Variants in TNIK observed in about 807,000 individuals in gnomAD.
TNIK encodes the protein TRAF2 and NCK interacting kinase, also known as TRAF2 and NCK-interacting protein kinase.
In TNIK, 49 loss-of-function variants were observed where a neutral mutation model predicts 191.3. The observed-to-expected ratio is 0.26, with a 90% CI of 0.20 to 0.32. The LOEUF (loss-of-function observed/expected upper bound fraction) is 0.32. Ranked by LOEUF, TNIK falls within the 10% of genes least tolerant of loss-of-function variation. TNIK has a pLI of 1.00. For missense variants in TNIK, 1,155 were observed against 1,702.3 expected, an observed-to-expected ratio of 0.68 and a Z score of 5.66; for synonymous variants, 594 against 600.9, an observed-to-expected ratio of 0.99 and a Z score of 0.17.
chr3:171,381,846 G>A (rs1718067176), intron 1 of TNIK, among the ~76,000 whole-genome samples: 1 of 152,146 alleles, frequency 6.6e-6, no homozygotes, highest in South Asian at 2.1e-4. Flanking sequence ...AGATGTAATG[G>A]CTAGAACACT....
chr3:171,323,648 G>A (rs530773032), intron 2 of TNIK, among the ~76,000 whole-genome samples: 39 of 152,302 alleles, frequency 2.6e-4, no homozygotes, highest in African/African-American at 9.1e-4. Context: ...AACACAGTCT[G>A]AAGGGTGGAT....
intron 1 of TNIK, among the ~76,000 whole-genome samples, chr3:171,382,438 C>T (rs1718170104): frequency 6.6e-6 from 1 of 152,268 alleles, no homozygotes; most frequent in Admixed American, 6.5e-5. Context: ...CCAGGCTGGT[C>T]TCAAACTCCT....
In TNIK at chr3:171,175,290, G is replaced by A. The variant is rs1211378611; in HGVS notation, c.735C>T (p.Ile245=). 2.2e-5 allele frequency: 36 copies of A among 1,612,682 alleles called. No individual in the cohort carries two copies. The highest frequency in any genetic ancestry group is 2.6e-5 in the Non-Finnish European group (31 of 1,179,512). ...DMHPMRALFL[I]PRNPAPRLKS... Reference sequence around the variant, plus strand: ...TCAGCCGAGGCGCTGGGTTCCGGGGGATGAGGAAGAGAGCTCTCATGGGGT... The same window carrying A: ...TCAGCCGAGGCGCTGGGTTCCGGGGAATGAGGAAGAGAGCTCTCATGGGGT... Residue 245 remains isoleucine (I), a synonymous_variant, in exon 9 of 33, where the codon ATC becomes ATT. Coordinates refer to ENST00000436636, the MANE Select transcript of TNIK (RefSeq NM_015028.4).
At chr3:171,361,164 T>C (rs1714916092) in intron 2 of TNIK, among the ~76,000 whole-genome samples, 1 of 152,202 alleles carries the variant, frequency 6.6e-6, no homozygotes, top group Non-Finnish European at 1.5e-5. Context: ...TGCAAGCATC[T>C]GGGAAGGTCT....
intron 2 of TNIK, among the ~76,000 whole-genome samples, chr3:171,265,709 T>C (rs958030502): frequency 1.3e-5 from 2 of 152,222 alleles, no homozygotes; most frequent in African/African-American, 2.4e-5. Flanking sequence ...CTACCAGGGA[T>C]GTGATAAGCC....
chr3:171,189,229 T>C (rs568138508), intron 6 of TNIK, among the ~76,000 whole-genome samples: 1 of 152,362 alleles, frequency 6.6e-6, no homozygotes, highest in African/African-American at 2.4e-5. Flanking sequence ...TCAAGGTTCA[T>C]CCACGTTGCA....
intron 12 of TNIK, among the ~76,000 whole-genome samples, chr3:171,153,824 C>T (rs1357231941): frequency 6.6e-6 from 1 of 152,308 alleles, no homozygotes; most frequent in East Asian, 1.9e-4. Flanking sequence ...TCTGACCAAG[C>T]CAGGTGAGGC....
At chr3:171,372,029 C>T (rs1361240230) in intron 1 of TNIK, among the ~76,000 whole-genome samples, 2 of 152,110 alleles carry the variant, frequency 1.3e-5, no homozygotes, top group East Asian at 3.8e-4. Flanking sequence ...GAGATGAGGG[C>T]AGGAGCACAA....
chr3:171,237,093 A>G (rs1335138585), intron 2 of TNIK, among the ~76,000 whole-genome samples: 1 of 152,226 alleles, frequency 6.6e-6, no homozygotes, highest in Non-Finnish European at 1.5e-5. Flanking sequence ...TTCAGAAAGA[A>G]AAAGGACCAC....
At chr3:171,149,573 C>T (rs191600019) in intron 12 of TNIK, among the ~76,000 whole-genome samples, 1 of 152,298 alleles carries the variant, frequency 6.6e-6, no homozygotes, top group South Asian at 2.1e-4. Flanking sequence ...TAAGTTAGAA[C>T]AAGAAGCCCT....
Position 171,077,071 on chromosome 3 carries a change from T to C in TNIK, c.3448+2447A>G, listed in dbSNP as rs531667238. 4.8e-3 allele frequency among the ~76,000 whole-genome samples: 687 copies of C among 142,972 alleles called. 4 individuals are homozygous for C. The highest frequency in any genetic ancestry group is 7.1e-3 in the Non-Finnish European group (468 of 65,704). 93.8% of individuals were successfully genotyped at this position (142,972 alleles called of 152,430 possible). A position where few individuals can be genotyped will look rare whatever the true frequency, so the allele number is the denominator to read the frequency against. On this transcript the variant is annotated intron_variant, in intron 28 of 32. Transcript: ENST00000436636. The stretch of plus-strand genomic sequence containing the variant: ...ACCATGGTTACATTTCCTTTCTTGT[T>C]CCCCCCCCCCTTTTTTTTTATACTT...
chr3:171,384,860 T>G (rs16856248), intron 1 of TNIK, among the ~76,000 whole-genome samples: 5,942 of 152,352 alleles, frequency 0.039, 397 homozygotes, highest in African/African-American at 0.14. Flanking sequence ...AGGCCACTAA[T>G]ATTTTTTAGC....
intron 3 of TNIK, among the ~76,000 whole-genome samples, chr3:171,222,626 C>A (rs1185147139): frequency 6.6e-6 from 1 of 152,086 alleles, no homozygotes; most frequent in Non-Finnish European, 1.5e-5. Context: ...TTTTTCTTTT[C>A]TTTTTGTGCA....
At chr3:171,337,980 CTG>C (rs1757129087) in intron 2 of TNIK, among the ~76,000 whole-genome samples, 1 of 152,144 alleles carries the variant, frequency 6.6e-6, no homozygotes, top group Non-Finnish European at 1.5e-5. Flanking sequence ...GGGAGAGAAG[CTG>C]TTCTAACCAC....
At chr3:171,080,717 A>G (rs1241808665) in intron 27 of TNIK, among the ~76,000 whole-genome samples, 1 of 152,176 alleles carries the variant, frequency 6.6e-6, no homozygotes, top group African/African-American at 2.4e-5. Context: ...AATGTTTTAT[A>G]TTTTATAGAT....
At chr3:171,124,667 C>G (rs1052319686) in intron 17 of TNIK, among the ~76,000 whole-genome samples, 11 of 152,230 alleles carry the variant, frequency 7.2e-5, no homozygotes, top group Admixed American at 7.2e-4. Flanking sequence ...AGCAGAATGA[C>G]CAAATCAATG....
chr3:171,086,971 A>G (rs61791155), intron 24 of TNIK, among the ~76,000 whole-genome samples: 15,561 of 152,184 alleles, frequency 0.1, 900 homozygotes, highest in Middle Eastern at 0.15. Flanking sequence ...CTAAATTAAC[A>G]CAAATATAAA....
At chr3:171,357,005 A>G (rs2108455487) in intron 2 of TNIK, among the ~76,000 whole-genome samples, 1 of 152,312 alleles carries the variant, frequency 6.6e-6, no homozygotes, top group South Asian at 2.1e-4. Context: ...GGGCTATTTA[A>G]AAGTTCAGAT....
At chr3:171,106,749 C>T (rs1313654916) in intron 21 of TNIK, 2 of 535,142 alleles carry the variant, frequency 3.7e-6, no homozygotes, top group Non-Finnish European at 7.7e-6. Flanking sequence ...CAAAATTAAT[C>T]TAACAATACC....
Sources: gnomAD v4.1 joint callset for allele counts (sites outside exome capture counted in the v4.1 genomes callset) on GRCh38, gnomAD v4.1.1 for gene constraint, MANE v1.5 for transcripts, NCBI Gene and HGNC (gene_info 2026-07-23, HGNC 2026-07-21) for gene names.